Variants in ABCG5 observed in about 807,000 individuals in gnomAD.
ABCG5 encodes the protein ATP-binding cassette sub-family G member 5.
A neutral mutation model predicts 64.5 loss-of-function variants in ABCG5; 64 were observed. The ratio of observed to expected loss-of-function variants is 0.99; its 90% CI spans 0.81 to 1.22. ABCG5 has a LOEUF of 1.22. ABCG5 is among the 50% of genes most tolerant of loss of function. The pLI is 0.00. For missense variants in ABCG5, 908 were observed against 829.5 expected (o/e 1.09, Z -1.16); for synonymous variants, 385 against 326.3 (o/e 1.18, Z -1.94).
Position 43,837,918 on chromosome 2 carries a change from G to A in ABCG5, c.181C>T (p.Arg61Trp), listed in dbSNP as rs766545187. The A allele has an allele frequency of 1.5e-5, 24 of 1,613,864 alleles. No individual in the cohort carries two copies. The highest frequency in any genetic ancestry group is 1.6e-4 in the Middle Eastern group (1 of 6,078). ...VRPWWDITSCRQQWTRQILKD... is the reference protein window; with the variant it reads ...VRPWWDITSCWQQWTRQILKD... ...AGGATCTGCCTGGTCCACTGCTGCC[G>A]GCAAGATGTGATGTCCCACCAGGGC... The change falls in exon 2 of 13, where the codon CGG (arginine) becomes TGG (tryptophan). Residue 61 changes from arginine to tryptophan, a missense_variant. Transcript: ENST00000405322.
intron 5 of ABCG5, among the ~76,000 whole-genome samples, chr2:43,827,347 CAAG>C (rs956796162): frequency 4.1e-5 from 6 of 147,246 alleles, no homozygotes; most frequent in African/African-American, 1.5e-4. Flanking sequence ...AAAAAAGTGA[CAAG>C]AGCTGTTAAA....
intron 9 of ABCG5, among the ~76,000 whole-genome samples, 194 bp downstream of exon 9, chr2:43,823,719 G>T (rs1181344292): frequency 6.6e-6 from 1 of 152,198 alleles, no homozygotes; most frequent in Non-Finnish European, 1.5e-5. Flanking sequence ...CCCTCAGAGA[G>T]ATCCACCTGG....
At chr2:43,820,733 A>G (rs1417023597) in intron 10 of ABCG5, among the ~76,000 whole-genome samples, 2 of 152,140 alleles carry the variant, frequency 1.3e-5, no homozygotes, top group Non-Finnish European at 2.9e-5. Flanking sequence ...GGCTCATTGC[A>G]ACCTCTGCTT....
rs367720764 is a variant in ABCG5, at chr2:43,838,526, C to T, written c.143+11G>A. 11 of 1,594,026 alleles carry T rather than the reference C, an allele frequency of 6.9e-6. No homozygotes were observed. The highest frequency in any genetic ancestry group is 3.5e-4 in the Middle Eastern group (2 of 5,660). ...CCTGGGGGAGCAGCAGCAGCAAGGG[C>T]TCTGCCTTACCTGACGCTGTAGGAG... On this transcript the variant is annotated intron_variant, in intron 1 of 12. Transcript: ENST00000405322. This position sits in a 1 kb window ranked among gnomAD's most constrained non-coding sequence, Gnocchi z 4.2.
At chr2:43,818,504 A>G (rs1666992059) in intron 11 of ABCG5, among the ~76,000 whole-genome samples, 1 of 152,196 alleles carries the variant, frequency 6.6e-6, no homozygotes, top group Admixed American at 6.5e-5. Flanking sequence ...TTTCTCAAAA[A>G]ATCATAAGTC....
chr2:43,839,007 C>G, upstream of ABCG5: 4 of 1,538,298 alleles, frequency 2.6e-6, no homozygotes, highest in Non-Finnish European at 3.5e-6. Flanking sequence ...CAGGCAGCAG[C>G]TGGGTCTAAG....
At position 43,812,771 on chromosome 2, in the gene ABCG5, CAT is replaced by C; in HGVS notation, c.*343_*344del. The stretch of plus-strand genomic sequence containing the variant: ...TGCCTAATCCTTTATCCAATGTAAA[CAT>C]ATTTTTAAGCTGACCTATTTTTTTC... On this transcript the variant is annotated 3_prime_UTR_variant, in exon 13 of 13. Coordinates refer to ENST00000405322, the MANE Select transcript of ABCG5 (RefSeq NM_022436.3). The C allele has an allele frequency of 4.0e-6, 1 of 251,710 alleles. No individual in the cohort carries two copies. Among genetic ancestry groups the C allele is most frequent in the South Asian group, 6.0e-5 (1 of 16,700 alleles). 15.6% of individuals were successfully genotyped at this position (251,710 alleles called of 1,614,324 possible).
intron 10 of ABCG5, 126 bp from the exon 11 acceptor site, chr2:43,820,226 C>T (rs1363110729): frequency 1.5e-5 from 17 of 1,154,926 alleles, no homozygotes; most frequent in Admixed American, 2.1e-5. Flanking sequence ...GCAAGCCACA[C>T]TCCCCTTTGA....
chr2:43,825,054 C>T (rs1353530440), intron 6 of ABCG5, 36 bp from the exon 7 acceptor site: 2 of 1,610,248 alleles, frequency 1.2e-6, no homozygotes, highest in South Asian at 2.2e-5. Flanking sequence ...TGTGTGATCA[C>T]AAGGGTAGCG....
Position 43,837,949 on chromosome 2 carries a change from GC to G in ABCG5, c.149del (p.Arg50ProfsTer2), listed in dbSNP as rs1558780643. ...ILHASYSVSH[R>X]VRPWWDITSC... ...ATGTGATGTCCCACCAGGGCCTCAC[GC>G]GGTGGCTTTAAAGGAAACCCCAGGA... On this transcript the variant is annotated frameshift_variant, in exon 2 of 13. Coordinates refer to ENST00000405322, the MANE Select transcript of ABCG5 (RefSeq NM_022436.3). LOFTEE classifies it high-confidence loss of function. The G allele has an allele frequency of 6.2e-7, 1 of 1,613,946 alleles. No individual in the cohort carries two copies. Among genetic ancestry groups the G allele is most frequent in the Admixed American group, 1.7e-5 (1 of 60,018 alleles).
chr2:43,822,819 T>G lies in ABCG5; in HGVS notation c.1441A>C (p.Ile481Leu). ...VLPFSVVATMIFSSVCYWTLG... is the reference protein window; with the variant it reads ...VLPFSVVATMLFSSVCYWTLG... ...CACCAGTAGCACACACTGCTGAAAA[T>G]CATGGTGGCAACAACGCTGAAGGGG... Residue 481 changes from isoleucine (I) to leucine (L), a missense_variant, in exon 10 of 13, where the codon ATT becomes CTT. Ile to Leu is a conservative substitution (Grantham distance 5, BLOSUM62 2). Coordinates refer to ENST00000405322, the MANE Select transcript of ABCG5 (RefSeq NM_022436.3). 1 of 1,613,966 alleles carries G rather than the reference T, an allele frequency of 6.2e-7. No individual in the cohort carries two copies. Among genetic ancestry groups the G allele is most frequent in the Non-Finnish European group, 8.5e-7 (1 of 1,180,002 alleles).
At chr2:43,822,470 TCCCCCAG>T in intron 10 of ABCG5, 14 of 354,556 alleles carry the variant, frequency 3.9e-5, no homozygotes, top group South Asian at 1.4e-4. Flanking sequence ...CTTTCTCCCC[TCCCCCAG>T]GCCCCCCCCC....
intron 4 of ABCG5, among the ~76,000 whole-genome samples, chr2:43,831,526 G>A (rs1309217171): frequency 6.6e-6 from 1 of 152,170 alleles, no homozygotes; most frequent in Non-Finnish European, 1.5e-5. Flanking sequence ...CTAAGAGTCT[G>A]AAATTTGATG....
intron 12 of ABCG5, 145 bp from the exon 13 acceptor site, chr2:43,813,454 A>G: frequency 2.9e-6 from 2 of 696,068 alleles, no homozygotes; most frequent in South Asian, 3.1e-5. Context: ...TGATGAAGCA[A>G]GAGTGAGCAG....
chr2:43,826,529 C>T lies in ABCG5; in HGVS notation c.635-8G>A. 2 of 1,614,176 alleles carry T rather than the reference C, an allele frequency of 1.2e-6. No homozygotes were observed. ...CATCAAACAGCATGACCTCTGCCAG[C>T]AAAGAAGGGCCAGACTTCTAAGGTA... On this transcript the variant is annotated splice_polypyrimidine_tract_variant and splice_region_variant and intron_variant, in intron 5 of 12. Transcript: ENST00000405322.
chr2:43,838,239 G>T lies in ABCG5; in HGVS notation c.144-284C>A. The stretch of plus-strand genomic sequence containing the variant: ...CTTTCACCAGGTTTCAAGACTCCTT[G>T]CATTCGCAGTACCCCCATTCCCATC... On this transcript the variant is annotated intron_variant, in intron 1 of 12. Coordinates refer to ENST00000405322, the MANE Select transcript of ABCG5 (RefSeq NM_022436.3). This position sits in a 1 kb window ranked among gnomAD's most constrained non-coding sequence, Gnocchi z 4.2. 1 of 594,052 alleles carries T rather than the reference G, an allele frequency of 1.7e-6. No homozygotes were observed. The highest frequency in any genetic ancestry group is 2.0e-5 in the South Asian group (1 of 50,150). 36.8% of individuals were successfully genotyped at this position (594,052 alleles called of 1,614,324 possible). A position where few individuals can be genotyped will look rare whatever the true frequency, so the allele number is the denominator to read the frequency against.
In ABCG5 at chr2:43,833,931, G is replaced by A. The variant is rs577429824; in HGVS notation, c.266-1848C>T. On this transcript the variant is annotated intron_variant, in intron 2 of 12. Transcript: ENST00000405322. ...ACTCCTGACCACAGGTGATCCGCCC[G>A]CCTCGGCCTCCCAAGGTGCTGGGAT... 4.2e-4 allele frequency among the ~76,000 whole-genome samples: 64 copies of A among 152,290 alleles called. 1 individual carries two copies. In the South Asian group the frequency reaches 0.012, roughly 29 times the overall value.
At chr2:43,806,592 G>A in the ABCG5 span, among the ~76,000 whole-genome samples, 3 of 152,176 alleles carry the variant, frequency 2.0e-5, no homozygotes, top group African/African-American at 4.8e-5. Flanking sequence ...TTAGTTGGAA[G>A]TCATCCCTGA....
In ABCG5 at chr2:43,812,960, C is replaced by T. The variant is rs1666558721; in HGVS notation, c.*156G>A. On this transcript the variant is annotated 3_prime_UTR_variant, in exon 13 of 13. Transcript: ENST00000405322. ...TAAACCACTTCCATTGCATTCAAGG[C>T]CTGCTTGGATCCAAGAGGCACAAAT... is the stretch of plus-strand genomic sequence containing the variant. 2 of 654,018 alleles carry T rather than the reference C, an allele frequency of 3.1e-6. No individual in the cohort carries two copies. The highest frequency in any genetic ancestry group is 5.5e-5 in the East Asian group (2 of 36,510). 40.5% of individuals were successfully genotyped at this position (654,018 alleles called of 1,614,324 possible).
Sources: gnomAD v4.1 joint callset for allele counts (sites outside exome capture counted in the v4.1 genomes callset) on GRCh38, gnomAD v4.1.1 for gene constraint, Gnocchi (gnomAD v3.1) non-coding constraint, MANE v1.5 for transcripts, NCBI Gene and HGNC (gene_info 2026-07-23, HGNC 2026-07-21) for gene names.